The following SLC13A5 variants were observed in gnomAD, a reference collection of about 807,000 sequenced individuals.
SLC13A5 encodes the protein Na(+)/citrate cotransporter.
In SLC13A5, 25 loss-of-function variants were observed where a neutral mutation model predicts 56.5. The observed-to-expected ratio is 0.44, with a 90% CI of 0.32 to 0.62. The LOEUF is 0.62. SLC13A5 is among the 20% of genes least tolerant of loss of function. The pLI is 0.04. For missense variants in SLC13A5, 649 were observed against 737.8 expected (o/e 0.88, Z 1.39); for synonymous variants, 307 against 301.5 (o/e 1.02, Z -0.19).
At chr17:6,706,091 A>C (rs994897860) in intron 3 of SLC13A5, among the ~76,000 whole-genome samples, 2 of 152,144 alleles carry the variant, frequency 1.3e-5, no homozygotes, top group African/African-American at 4.8e-5. Flanking sequence ...TATGATTATG[A>C]TTATATTGAC....
Position 6,687,629 on chromosome 17 carries a change from A to G in SLC13A5, c.1475T>C (p.Leu492Pro), listed in dbSNP as rs1057519449. The G allele has an allele frequency of 6.2e-7, 1 of 1,612,262 alleles. No homozygotes were observed. Among genetic ancestry groups the G allele is most frequent in the Non-Finnish European group, 8.5e-7 (1 of 1,179,390 alleles). Reference protein sequence around the residue: ...SIGLNPLYIMLPCTLSASFAF... With the variant: ...SIGLNPLYIMPPCTLSASFAF... ...AAAGGAGGCACTCAGGGTACAGGGC[A>G]GCATGATGTACAGCGGATTGAGGCC... Residue 492 changes from leucine (L) to proline (P), a missense_variant, in exon 11 of 12, where the codon CTG becomes CCG. Leu to Pro is a moderately conservative substitution (Grantham distance 98). Coordinates refer to ENST00000433363, the MANE Select transcript of SLC13A5 (RefSeq NM_177550.5). The surrounding 1 kb of genome is among the most constrained non-coding windows in gnomAD (Gnocchi z 5.0).
At chr17:6,709,906 G>A (rs907228101) in intron 1 of SLC13A5, among the ~76,000 whole-genome samples, 18 of 152,180 alleles carry the variant, frequency 1.2e-4, no homozygotes, top group South Asian at 2.1e-4. Flanking sequence ...TTAGAGCACC[G>A]CTGGCCTCCA....
rs759034052 is a variant in SLC13A5, at chr17:6,695,904, T to G, written c.877A>C (p.Lys293Gln). The G allele has an allele frequency of 2.5e-6, 4 of 1,613,988 alleles. No homozygotes were observed. In the African/African-American group the frequency reaches 5.3e-5, roughly 22 times the overall value. Residue 293 changes from lysine (K) to glutamine (Q), a missense_variant, in exon 7 of 12, where the codon AAA (lysine) becomes CAA (glutamine). Transcript: ENST00000433363. The stretch of plus-strand genomic sequence containing the variant: ...ACCTTGAGGGCAGCCTTCTCGTTTT[T>G]CTTGCTCTCTAGCCCGCAGCCCCAG... ...KSWGCGLESKKNEKAALKVLQ... is the reference protein window; with the variant it reads ...KSWGCGLESKQNEKAALKVLQ...
chr17:6,686,832 TC>T (rs1396659314), intron 11 of SLC13A5: 1 of 158,010 alleles, frequency 6.3e-6, no homozygotes. Context: ...AAGTTTGCAG[TC>T]CATGGTTTCT....
At chr17:6,696,024 C>T in intron 6 of SLC13A5, 83 bp from the exon 7 acceptor site, 1 of 1,287,160 alleles carries the variant, frequency 7.8e-7, no homozygotes, top group Non-Finnish European at 1.1e-6. Flanking sequence ...TGTTCTACAG[C>T]AGAATGTAGC....
At chr17:6,693,012 G>C in intron 9 of SLC13A5, 32 bp downstream of exon 9, 2 of 1,553,920 alleles carry the variant, frequency 1.3e-6, no homozygotes. Flanking sequence ...CGAAGAAGAG[G>C]GCTCTGGGCA....
chr17:6,687,251 A>C lies in SLC13A5; in HGVS notation c.1575+278T>G, dbSNP rs1243863825. Reference sequence around the variant, plus strand: ...ATATGAGTCCCTCAGCCCCACCTTCACCCCTTCCAAGGACTCCCCTGGTGC... The same window carrying C: ...ATATGAGTCCCTCAGCCCCACCTTCCCCCCTTCCAAGGACTCCCCTGGTGC... On this transcript the variant is annotated intron_variant, in intron 11 of 11. Coordinates refer to ENST00000433363, the MANE Select transcript of SLC13A5 (RefSeq NM_177550.5). This position sits in a 1 kb window ranked among gnomAD's most constrained non-coding sequence, Gnocchi z 5.0. 2.5e-6 allele frequency: 1 copy of C among 397,860 alleles called. No individual in the cohort carries two copies. Among genetic ancestry groups the C allele is most frequent in the Non-Finnish European group, 4.5e-6 (1 of 222,924 alleles). The allele number at this position is 397,860 out of a possible 1,614,324, so 24.6% of individuals were successfully genotyped here.
intron 10 of SLC13A5, chr17:6,688,365 CA>C (rs2150962446): frequency 6.6e-6 from 1 of 152,232 alleles, no homozygotes; most frequent in African/African-American, 2.4e-5. Context: ...ATGACACATA[CA>C]AATAATGGAA....
intron 11 of SLC13A5, 41 bp from the exon 12 acceptor site, chr17:6,686,379 G>A (rs574739273): frequency 6.2e-7 from 1 of 1,612,832 alleles, no homozygotes; most frequent in East Asian, 2.2e-5. Flanking sequence ...GCCTGCTGGG[G>A]ACTAGTGCTC....
chr17:6,704,814 T>C (rs1973822330), intron 3 of SLC13A5: 1 of 157,414 alleles, frequency 6.4e-6, no homozygotes, highest in African/African-American at 2.4e-5. Flanking sequence ...GCTCTCAGTG[T>C]GTGCACCAGG....
rs560840581 is a variant in SLC13A5 at position 6,701,746 on chromosome 17, T to A, written c.717-620A>T. On this transcript the variant is annotated intron_variant, in intron 5 of 11. Transcript: ENST00000433363. The surrounding 1 kb of genome is among the most constrained non-coding windows in gnomAD (Gnocchi z 4.1). The stretch of plus-strand genomic sequence containing the variant: ...AAGAAAAATACACCTTTTATACACA[T>A]GCATGTAATTTGGCTGACATCTTTG... Among the ~76,000 whole-genome samples the A allele has an allele frequency of 6.9e-4, 105 of 152,290 alleles. No homozygotes were observed. Among genetic ancestry groups the A allele is most frequent in the African/African-American group, 2.4e-3 (100 of 41,572 alleles).
In SLC13A5 at chr17:6,687,499, G is replaced by T. The variant is rs374151851; in HGVS notation, c.1575+30C>A. 6 of 1,612,864 alleles carry T rather than the reference G, an allele frequency of 3.7e-6. No homozygotes were observed. The Admixed American group carries it at 8.4e-5, about 22-fold the overall frequency. On this transcript the variant is annotated intron_variant, in intron 11 of 11. Transcript: ENST00000433363. This position sits in a 1 kb window ranked among gnomAD's most constrained non-coding sequence, Gnocchi z 5.0. ...CCTTATGACAACAGCGTTATAGTCCGACGGGAGTAAATAAAAACAGCTGTG... is the reference window on the plus strand; with the variant it reads ...CCTTATGACAACAGCGTTATAGTCCTACGGGAGTAAATAAAAACAGCTGTG...
rs936968456 is a variant in SLC13A5, at chr17:6,687,767, C to T, written c.1438-101G>A. 35 of 1,379,736 alleles carry T rather than the reference C, an allele frequency of 2.5e-5. No individual in the cohort carries two copies. Among genetic ancestry groups the T allele is most frequent in the Non-Finnish European group, 3.2e-5 (34 of 1,048,746 alleles). The allele number at this position is 1,379,736 out of a possible 1,614,324, so 85.5% of individuals were successfully genotyped here. On this transcript the variant is annotated intron_variant, in intron 10 of 11. Transcript: ENST00000433363. The surrounding 1 kb of genome is among the most constrained non-coding windows in gnomAD (Gnocchi z 5.0). Reference sequence around the variant, plus strand: ...TCTGAATGTGCCGGGTACGTTTGAACCTCTGTGCCTCAGTCTTGGTTCCTC... The same window carrying T: ...TCTGAATGTGCCGGGTACGTTTGAATCTCTGTGCCTCAGTCTTGGTTCCTC...
chr17:6,686,562 C>G (rs1567612513), intron 11 of SLC13A5: 1 of 526,354 alleles, frequency 1.9e-6, no homozygotes, highest in South Asian at 2.3e-5. Flanking sequence ...TCTCTATGCC[C>G]GTGCGCATTT....
chr17:6,692,032 C>T lies in SLC13A5; in HGVS notation c.1275+1012G>A, dbSNP rs188887637. Among the ~76,000 whole-genome samples the T allele has an allele frequency of 5.3e-5, 8 of 152,300 alleles. No homozygotes were observed. The East Asian group carries it at 5.8e-4, about 11-fold the overall frequency. On this transcript the variant is annotated intron_variant, in intron 9 of 11. Coordinates refer to ENST00000433363, the MANE Select transcript of SLC13A5 (RefSeq NM_177550.5). The surrounding 1 kb of genome is among the most constrained non-coding windows in gnomAD (Gnocchi z 5.5). ...CCTCCCTAGTCTGTGAAGTCTGCCACGAACAGGGACCGTATCTCAATCTCC... is the reference window on the plus strand; with the variant it reads ...CCTCCCTAGTCTGTGAAGTCTGCCATGAACAGGGACCGTATCTCAATCTCC...
chr17:6,690,711 G>A (rs1973382786), intron 10 of SLC13A5, 68 bp downstream of exon 10: 3 of 1,605,742 alleles, frequency 1.9e-6, no homozygotes, highest in Non-Finnish European at 2.6e-6. Context: ...TGCCTCGTCA[G>A]GGACCCACAA....
At chr17:6,688,692 C>T (rs113743834) in intron 10 of SLC13A5, 9,712 of 152,268 alleles carry the variant, frequency 0.064, 511 homozygotes, top group Admixed American at 0.19. Flanking sequence ...ATCTCTTGAA[C>T]CCGGGAGGTG....
rs148598894 is a variant in SLC13A5, at chr17:6,684,849, C to T, written c.*1358G>A. 44 of 152,332 alleles carry T rather than the reference C, an allele frequency of 2.9e-4. No homozygotes were observed. Among genetic ancestry groups the T allele is most frequent in the African/African-American group, 9.9e-4 (41 of 41,564 alleles). 9.4% of individuals were successfully genotyped at this position (152,332 alleles called of 1,614,324 possible). On this transcript the variant is annotated 3_prime_UTR_variant, in exon 12 of 12. Coordinates refer to ENST00000433363, the MANE Select transcript of SLC13A5 (RefSeq NM_177550.5). Reference sequence around the variant, plus strand: ...CCTGAGGCTCTCATACTTTCTCCTGCCCTGGAAAATGCCATCCAGGAGCTC... The same window carrying T: ...CCTGAGGCTCTCATACTTTCTCCTGTCCTGGAAAATGCCATCCAGGAGCTC...
At position 6,705,617 on chromosome 17, in the gene SLC13A5, C is replaced by T. The variant is rs117505087; in HGVS notation, c.368+1025G>A. Reference sequence around the variant, plus strand: ...AACAGATCAGAGAGCCACAAAGTCCCCTGCTCAGGGGAATCTGAGGCACCA... The same window carrying T: ...AACAGATCAGAGAGCCACAAAGTCCTCTGCTCAGGGGAATCTGAGGCACCA... On this transcript the variant is annotated intron_variant, in intron 3 of 11. Coordinates refer to ENST00000433363, the MANE Select transcript of SLC13A5 (RefSeq NM_177550.5). The T allele has an allele frequency of 3.9e-5, 6 of 152,322 alleles. No individual in the cohort carries two copies. In the East Asian group the frequency reaches 1.2e-3, roughly 29 times the overall value. The allele number at this position is 152,322 out of a possible 1,614,324, so 9.4% of individuals were successfully genotyped here. A position where few individuals can be genotyped will look rare whatever the true frequency, so the allele number is the denominator to read the frequency against.
Sources: gnomAD v4.1 joint callset for allele counts (sites outside exome capture counted in the v4.1 genomes callset) on GRCh38, gnomAD v4.1.1 for gene constraint, Gnocchi (gnomAD v3.1) non-coding constraint, MANE v1.5 for transcripts, NCBI Gene and HGNC (gene_info 2026-07-23, HGNC 2026-07-21) for gene names.